POR: variants seen among roughly 807,000 people sequenced by gnomAD.
POR encodes cytochrome p450 oxidoreductase.
Under a neutral mutation model 84.0 loss-of-function variants are expected in POR, and 56 were observed. That is an observed-to-expected ratio of 0.67 (90% confidence interval 0.54 to 0.83). The LOEUF is 0.83. POR is among the 40% of genes least tolerant of loss of function. POR has a pLI of 0.00. For synonymous variants in POR, 414 were observed against 400.5 expected (o/e 1.03, Z -0.40); for missense variants, 938 against 944.3 (o/e 0.99, Z 0.09).
chr7:75,975,177 T>C (rs1389758775), intron 3 of POR, among the ~76,000 whole-genome samples: 2 of 152,120 alleles, frequency 1.3e-5, no homozygotes, highest in Non-Finnish European at 2.9e-5. Context: ...TCTAGTACTT[T>C]TAGGGTTTTG....
chr7:75,936,663 G>A (rs1807701219), intron 1 of POR, among the ~76,000 whole-genome samples: 1 of 152,050 alleles, frequency 6.6e-6, no homozygotes, highest in East Asian at 1.9e-4. Flanking sequence ...TGCGTGTGTG[G>A]GCAGGGGGTT....
intron 1 of POR, among the ~76,000 whole-genome samples, chr7:75,918,428 G>A (rs1806685065): frequency 6.6e-6 from 1 of 152,154 alleles, no homozygotes; most frequent in African/African-American, 2.4e-5. Flanking sequence ...TCACTTACCT[G>A]CTTGCATAGG....
At chr7:75,930,852 T>C (rs576054491) in intron 1 of POR, among the ~76,000 whole-genome samples, 4 of 151,484 alleles carry the variant, frequency 2.6e-5, no homozygotes, top group African/African-American at 9.7e-5. Flanking sequence ...AGACAGGGTC[T>C]TGCTCTGTCA....
At position 75,983,787 on chromosome 7, in the gene POR, C is replaced by T. The variant is rs1204709921; in HGVS notation, c.997C>T (p.Leu333Phe). 3 of 1,612,486 alleles carry T rather than the reference C, an allele frequency of 1.9e-6. No homozygotes were observed. The highest frequency in any genetic ancestry group is 2.5e-6 in the Non-Finnish European group (3 of 1,179,756). Residue 333 changes from leucine to phenylalanine, a missense_variant, in exon 10 of 16, where the codon CTC (leucine) becomes TTC (phenylalanine). Leu to Phe is a conservative substitution (Grantham distance 22, BLOSUM62 0). Coordinates refer to ENST00000461988, the MANE Select transcript of POR (RefSeq NM_000941.3). ...TGTGTACCCAGCCAACGACTCTGCT[C>T]TCGTCAACCAGCTGGGCAAAATCCT...
intron 2 of POR, among the ~76,000 whole-genome samples, chr7:75,958,395 G>A (rs1439296639): frequency 1.3e-5 from 2 of 152,090 alleles, no homozygotes; most frequent in African/African-American, 2.4e-5. Flanking sequence ...TGGGATTACA[G>A]GCGTGAGCCA....
At chr7:75,979,737 G>T in intron 4 of POR, 158 bp downstream of exon 4, 1 of 1,023,380 alleles carries the variant, frequency 9.8e-7, no homozygotes, top group East Asian at 2.7e-5. Context: ...TGCCATCCCT[G>T]CCCGGGCTGA....
intron 1 of POR, among the ~76,000 whole-genome samples, chr7:75,934,863 G>C (rs1300492600): frequency 6.6e-6 from 1 of 152,202 alleles, no homozygotes; most frequent in Admixed American, 6.5e-5. Flanking sequence ...AGGGAGGCTT[G>C]GCAGCCTCCA....
At chr7:75,968,099 GT>G (rs1788265233) in intron 2 of POR, 1 of 455,342 alleles carries the variant, frequency 2.2e-6, no homozygotes, top group African/African-American at 2.0e-5. Context: ...GCACGTACTC[GT>G]CTCCACCTGA....
intron 1 of POR, among the ~76,000 whole-genome samples, chr7:75,933,208 G>A (rs1290937119): frequency 6.6e-6 from 1 of 151,746 alleles, no homozygotes; most frequent in African/African-American, 2.4e-5. Flanking sequence ...TATAGTGTAT[G>A]GCATATTGTT....
intron 3 of POR, among the ~76,000 whole-genome samples, chr7:75,978,238 A>T (rs1554557114): frequency 6.6e-6 from 1 of 152,204 alleles, no homozygotes; most frequent in African/African-American, 2.4e-5. Flanking sequence ...ATTGGATTGT[A>T]TAGCCAGCCC....
intron 3 of POR, among the ~76,000 whole-genome samples, chr7:75,976,249 A>C (rs1554556801): frequency 6.6e-6 from 1 of 152,056 alleles, no homozygotes. Flanking sequence ...TTATTTTAAA[A>C]TATCCTTTTG....
At chr7:75,928,301 G>C (rs868966527) in intron 1 of POR, among the ~76,000 whole-genome samples, 1 of 152,080 alleles carries the variant, frequency 6.6e-6, no homozygotes, top group African/African-American at 2.4e-5. Flanking sequence ...AGGTTTATAG[G>C]TCATGAGTTC....
chr7:75,933,419 A>C (rs1554550408), intron 1 of POR, among the ~76,000 whole-genome samples: 1 of 97,468 alleles, frequency 1.0e-5, no homozygotes, highest in Non-Finnish European at 2.1e-5. Flanking sequence ...GCGGAGTTTC[A>C]CTCTTGTTGC....
chr7:75,919,218 G>C (rs1011317060), intron 1 of POR, among the ~76,000 whole-genome samples: 1 of 151,954 alleles, frequency 6.6e-6, no homozygotes, highest in African/African-American at 2.4e-5. Flanking sequence ...ATCCTCTCTG[G>C]GTGAATGAAC....
intron 1 of POR, among the ~76,000 whole-genome samples, chr7:75,920,056 C>CTTTTTT (rs71519397): frequency 1.0e-4 from 8 of 76,510 alleles, no homozygotes; most frequent in Admixed American, 3.0e-4. Flanking sequence ...AGTTGAATTT[C>CTTTTTT]TTTTTTTTTT....
chr7:75,930,932 C>A (rs572551715), intron 1 of POR, among the ~76,000 whole-genome samples: 1 of 152,204 alleles, frequency 6.6e-6, no homozygotes, highest in Non-Finnish European at 1.5e-5. Context: ...AAGTGATCCT[C>A]TAACCTCAGC....
chr7:75,985,963 C>T lies in POR; in HGVS notation c.1710C>T (p.Arg570=). The change falls in exon 14 of 16, where the codon CGC becomes CGT. Residue 570 remains arginine (R), a synonymous_variant. Coordinates refer to ENST00000461988, the MANE Select transcript of POR (RefSeq NM_000941.3). Reference sequence around the variant, plus strand: ...AGACGCTGCTGTACTACGGCTGCCGCCGCTCGGATGAGGACTACCTGTACC... The same window carrying T: ...AGACGCTGCTGTACTACGGCTGCCGTCGCTCGGATGAGGACTACCTGTACC... 1 of 1,588,070 alleles carries T rather than the reference C, an allele frequency of 6.3e-7. No individual in the cohort carries two copies. Among genetic ancestry groups the T allele is most frequent in the South Asian group, 1.1e-5 (1 of 87,260 alleles).
Position 75,983,539 on chromosome 7 carries a change from C to G in POR, c.850C>G (p.Pro284Ala). The G allele has an allele frequency of 1.2e-6, 2 of 1,612,890 alleles. No homozygotes were observed. The highest frequency in any genetic ancestry group is 4.5e-5 in the East Asian group (2 of 44,874). Residue 284 changes from proline to alanine, a missense_variant, in exon 9 of 16, where the codon CCG (proline) becomes GCG (alanine). Transcript: ENST00000461988. ...ACCCAGCCCCTTTGATGCCAAGAATCCGTTCCTGGCTGCAGTCACCACCAA... is the reference window on the plus strand; with the variant it reads ...ACCCAGCCCCTTTGATGCCAAGAATGCGTTCCTGGCTGCAGTCACCACCAA...
intron 1 of POR, among the ~76,000 whole-genome samples, chr7:75,951,062 G>GGC (rs1563412494): frequency 2.8e-4 from 4 of 14,258 alleles, no homozygotes; most frequent in Admixed American, 1.3e-3. Flanking sequence ...CTGTCCCCCG[G>GGC]CCCCCCCCCC....
Sources: gnomAD v4.1 joint callset for allele counts (sites outside exome capture counted in the v4.1 genomes callset) on GRCh38, gnomAD v4.1.1 for gene constraint, MANE v1.5 for transcripts, NCBI Gene and HGNC (gene_info 2026-07-23, HGNC 2026-07-21) for gene names.